The following THRB variants were observed in gnomAD, a reference collection of about 807,000 sequenced individuals.
THRB encodes the protein nuclear receptor subfamily 1 group A member 2.
Under a neutral mutation model 47.8 loss-of-function variants are expected in THRB, and 12 were observed. The ratio of observed to expected loss-of-function variants is 0.25; its 90% CI spans 0.16 to 0.41. THRB has a LOEUF of 0.41. THRB is among the 10% of genes least tolerant of loss of function. The pLI is 1.00. For missense variants in THRB, 348 were observed against 589.2 expected, an observed-to-expected ratio of 0.59 and a Z score of 4.24; for synonymous variants, 218 against 212.2, an observed-to-expected ratio of 1.03 and a Z score of -0.24.
chr3:24,422,663 T>C (rs990705833), intron 1 of THRB, among the ~76,000 whole-genome samples: 1 of 151,860 alleles, frequency 6.6e-6, no homozygotes, highest in African/African-American at 2.4e-5. Flanking sequence ...ATTCTTCACC[T>C]CCCTGGCCTC....
chr3:24,445,379 T>C lies in THRB; in HGVS notation c.-261+49273A>G, dbSNP rs17014718. On this transcript the variant is annotated intron_variant, in intron 1 of 10. Transcript: ENST00000646209. ...GGTAGTGAAATGTGTCAGAGAGTAA[T>C]AGTAGATTTGACTGGAGTAGCAAAG... Among the ~76,000 whole-genome samples, 1,310 of 152,170 alleles carry C rather than the reference T, an allele frequency of 8.6e-3. 22 individuals are homozygous for C. The highest frequency in any genetic ancestry group is 0.03 in the African/African-American group (1,260 of 41,520).
intron 1 of THRB, among the ~76,000 whole-genome samples, chr3:24,416,648 C>G (rs2068753790): frequency 6.6e-6 from 1 of 151,854 alleles, no homozygotes; most frequent in Non-Finnish European, 1.5e-5. Context: ...AATCGAGCAA[C>G]CTATTAACCT....
At chr3:24,441,417 G>C (rs2125405953) in intron 1 of THRB, among the ~76,000 whole-genome samples, 1 of 152,322 alleles carries the variant, frequency 6.6e-6, no homozygotes, top group African/African-American at 2.4e-5. Flanking sequence ...AACTGTGGTA[G>C]AGGAGGGACC....
At chr3:24,250,151 C>T (rs1225504320) in intron 3 of THRB, among the ~76,000 whole-genome samples, 1 of 152,248 alleles carries the variant, frequency 6.6e-6, no homozygotes, top group Middle Eastern at 3.4e-3. Flanking sequence ...GCACATATAT[C>T]CTCATGTCAC....
chr3:24,197,781 C>A (rs1370845255), intron 4 of THRB, among the ~76,000 whole-genome samples: 2 of 152,202 alleles, frequency 1.3e-5, no homozygotes, highest in African/African-American at 4.8e-5. Flanking sequence ...AGTTCTGCAA[C>A]AAAAGGCAGC....
intron 9 of THRB, among the ~76,000 whole-genome samples, chr3:24,130,786 G>C (rs2033734482): frequency 1.3e-5 from 2 of 152,160 alleles, no homozygotes; most frequent in Admixed American, 1.3e-4. Context: ...TTACCCTTCA[G>C]ACATAGTCAG....
At chr3:24,395,395 C>CGTAAAG (rs1351025936) in intron 1 of THRB, among the ~76,000 whole-genome samples, 73 of 152,022 alleles carry the variant, frequency 4.8e-4, no homozygotes, top group Non-Finnish European at 8.7e-4. Flanking sequence ...ATCTAAAATA[C>CGTAAAG]GTAAAGGACT....
chr3:24,261,836 C>A (rs1462809618), intron 3 of THRB, among the ~76,000 whole-genome samples: 1 of 152,226 alleles, frequency 6.6e-6, no homozygotes, highest in East Asian at 1.9e-4. Flanking sequence ...CAGGATGAGA[C>A]ACTTTGCTGA....
rs73144436 is a variant in THRB, at chr3:24,224,357, C to T, written c.22+4581G>A. Among the ~76,000 whole-genome samples the T allele has an allele frequency of 6.7e-3, 1,023 of 152,180 alleles. 9 individuals are homozygous for T. Among genetic ancestry groups the T allele is most frequent in the African/African-American group, 0.023 (954 of 41,518 alleles). ...AATTACTAAGTAGCCATGAACAAAT[C>T]CCTTTGAGGAAGCGTGTTTATTGAC... is the stretch of plus-strand genomic sequence containing the variant. On this transcript the variant is annotated intron_variant, in intron 4 of 10. Coordinates refer to ENST00000646209, the MANE Select transcript of THRB (RefSeq NM_001354712.2).
chr3:24,170,408 C>T (rs1284375682), intron 5 of THRB, among the ~76,000 whole-genome samples: 3 of 152,150 alleles, frequency 2.0e-5, no homozygotes, highest in Non-Finnish European at 4.4e-5. Flanking sequence ...TTTCTTGACA[C>T]AGCCACCAAA....
At chr3:24,219,275 C>T (rs1365976918) in intron 4 of THRB, among the ~76,000 whole-genome samples, 1 of 152,038 alleles carries the variant, frequency 6.6e-6, no homozygotes, top group Non-Finnish European at 1.5e-5. Context: ...GCCTGGGTGA[C>T]AGAGTGTGAG....
chr3:24,341,128 T>A (rs2062614055), intron 1 of THRB, among the ~76,000 whole-genome samples: 1 of 152,002 alleles, frequency 6.6e-6, no homozygotes, highest in Non-Finnish European at 1.5e-5. Flanking sequence ...TATCTATTTT[T>A]TTTTTTCTAA....
intron 1 of THRB, among the ~76,000 whole-genome samples, chr3:24,451,975 G>A (rs991914198): frequency 2.6e-5 from 4 of 152,142 alleles, no homozygotes; most frequent in African/African-American, 9.7e-5. Flanking sequence ...CCAACCTCAA[G>A]TATGCCCAGT....
chr3:24,435,379 C>A (rs2070837781), intron 1 of THRB, among the ~76,000 whole-genome samples: 1 of 152,126 alleles, frequency 6.6e-6, no homozygotes. Context: ...AGGATGATGT[C>A]AGAGAAAGCA....
intron 1 of THRB, among the ~76,000 whole-genome samples, chr3:24,417,105 C>T (rs1238452729): frequency 4.3e-5 from 1 of 23,382 alleles, no homozygotes; most frequent in Non-Finnish European, 1.3e-4. Context: ...AACACACACA[C>T]ACACACACAC....
chr3:24,261,514 AAAAACC>A (rs2052017432), intron 3 of THRB, among the ~76,000 whole-genome samples: 1 of 150,546 alleles, frequency 6.6e-6, no homozygotes, highest in African/African-American at 2.5e-5. Context: ...AAAAAAAAAA[AAAAACC>A]AAAAAAAACT....
chr3:24,230,788 T>G (rs2048181482), intron 3 of THRB, among the ~76,000 whole-genome samples: 1 of 152,194 alleles, frequency 6.6e-6, no homozygotes, highest in South Asian at 2.1e-4. Flanking sequence ...AAAACTGGCT[T>G]AAGACTTGAG....
chr3:24,445,959 G>A (rs2072031993), intron 1 of THRB, among the ~76,000 whole-genome samples: 1 of 152,098 alleles, frequency 6.6e-6, no homozygotes, highest in Non-Finnish European at 1.5e-5. Context: ...ACATAAGTAA[G>A]ATATAAAACT....
At chr3:24,374,696 G>A (rs1335673299) in intron 1 of THRB, among the ~76,000 whole-genome samples, 1 of 152,050 alleles carries the variant, frequency 6.6e-6, no homozygotes, top group Non-Finnish European at 1.5e-5. Flanking sequence ...TTTTGATGAA[G>A]ATATAAAGTG....
Sources: gnomAD v4.1 joint callset for allele counts (sites outside exome capture counted in the v4.1 genomes callset) on GRCh38, gnomAD v4.1.1 for gene constraint, MANE v1.5 for transcripts, NCBI Gene and HGNC (gene_info 2026-07-23, HGNC 2026-07-21) for gene names.